Variants in XYLT2 observed in about 807,000 individuals in gnomAD.
XYLT2 encodes the protein UDP-D-xylose:proteoglycan core protein beta-D-xylosyltransferase.
A neutral mutation model predicts 82.6 loss-of-function variants in XYLT2; 37 were observed. That is an observed-to-expected ratio of 0.45 (90% CI 0.34 to 0.59). The LOEUF is 0.59. Among genes scored for constraint, XYLT2 ranks in the 20% least tolerant of loss-of-function variants. The probability of loss-of-function intolerance (pLI) is 0.01; values close to 1 mark genes in which losing one functional copy is unlikely to be tolerated. For synonymous variants in XYLT2, 474 were observed against 499.0 expected (o/e 0.95, Z 0.67); for missense variants, 934 against 1,181.3 (o/e 0.79, Z 3.07).
intron 2 of XYLT2, 124 bp downstream of exon 2, chr17:50,354,246 T>G: frequency 6.5e-7 from 1 of 1,527,436 alleles, no homozygotes; most frequent in Non-Finnish European, 8.8e-7. Flanking sequence ...TGCCTAAGTC[T>G]TCATCCAGTG....
intron 1 of XYLT2, among the ~76,000 whole-genome samples, chr17:50,350,809 C>T (rs1354986511): frequency 6.6e-6 from 1 of 152,022 alleles, no homozygotes. Flanking sequence ...GGTGGCCCTA[C>T]TGAGAAGATG....
rs141916726 is a variant in XYLT2 at position 50,360,571 on chromosome 17, C to T, written c.*280C>T. 7,932 of 977,130 alleles carry T rather than the reference C, an allele frequency of 8.1e-3. 22 individuals carry two copies. The highest frequency in any genetic ancestry group is 9.1e-3 in the Non-Finnish European group (7,502 of 823,354). The allele number at this position is 977,130 out of a possible 1,614,324, so 60.5% of individuals were successfully genotyped here. A position where few individuals can be genotyped will look rare whatever the true frequency, so the allele number is the denominator to read the frequency against. On this transcript the variant is annotated 3_prime_UTR_variant, in exon 11 of 11. Transcript: ENST00000017003. ...TGTCTAGTTTGAATTTCTTTTTTTTCTTTTTTTTTTTTTTTTTTTAATTTA... is the reference window on the plus strand; with the variant it reads ...TGTCTAGTTTGAATTTCTTTTTTTTTTTTTTTTTTTTTTTTTTTTAATTTA...
chr17:50,346,758 A>G lies in XYLT2; in HGVS notation c.135+483A>G. Reference sequence around the variant, plus strand: ...CCCGAGGGGCAGCGGCCGGTGAGGAAGGGGAGCTCGGGGGTGGAATTCAGG... The same window carrying G: ...CCCGAGGGGCAGCGGCCGGTGAGGAGGGGGAGCTCGGGGGTGGAATTCAGG... On this transcript the variant is annotated intron_variant, in intron 1 of 10. Coordinates refer to ENST00000017003, the MANE Select transcript of XYLT2 (RefSeq NM_022167.4). The surrounding 1 kb of genome is among the most constrained non-coding windows in gnomAD (Gnocchi z 5.1). 5 of 984,854 alleles carry G rather than the reference A, an allele frequency of 5.1e-6. No homozygotes were observed. In the South Asian group the frequency reaches 1.4e-4, roughly 28 times the overall value. 61.0% of individuals were successfully genotyped at this position (984,854 alleles called of 1,614,324 possible).
chr17:50,347,912 C>A (rs1162092883), intron 1 of XYLT2, among the ~76,000 whole-genome samples: 1 of 152,208 alleles, frequency 6.6e-6, no homozygotes, highest in Non-Finnish European at 1.5e-5. Context: ...AATCACTTTG[C>A]CTCCTCCCTT....
Position 50,354,127 on chromosome 17 carries a change from G to C in XYLT2, c.628+5G>C, listed in dbSNP as rs761678694. 6.2e-7 allele frequency: 1 copy of C among 1,602,056 alleles called. No individual in the cohort carries two copies. The highest frequency in any genetic ancestry group is 8.5e-7 in the Non-Finnish European group (1 of 1,179,908). ...CCCGGCACTGTCAGCTGACTGGTGA[G>C]GGACAGGGGTGCTCCAGCCCTTCCC... On this transcript the variant is annotated splice_donor_5th_base_variant and intron_variant, in intron 2 of 10. Transcript: ENST00000017003.
Position 50,360,346 on chromosome 17 carries a change from T to C in XYLT2, c.*55T>C. ...CCGGGAAATTGCACCTTACAGACAG[T>C]GGAGGGGTGTCCCCTCCCACAGGCA... On this transcript the variant is annotated 3_prime_UTR_variant, in exon 11 of 11. Transcript: ENST00000017003. The C allele has an allele frequency of 6.8e-7, 1 of 1,478,392 alleles. No individual in the cohort carries two copies. The highest frequency in any genetic ancestry group is 9.0e-7 in the Non-Finnish European group (1 of 1,113,504). 91.6% of individuals were successfully genotyped at this position (1,478,392 alleles called of 1,614,324 possible). A position where few individuals can be genotyped will look rare whatever the true frequency, so the allele number is the denominator to read the frequency against.
rs559722499 is a variant in XYLT2 at position 50,357,981 on chromosome 17, G to A, written c.1942-226G>A. 373 of 562,294 alleles carry A rather than the reference G, an allele frequency of 6.6e-4. 1 individual carries two copies. Among genetic ancestry groups the A allele is most frequent in the African/African-American group, 6.4e-3 (344 of 53,604 alleles). The allele number at this position is 562,294 out of a possible 1,614,324, so 34.8% of individuals were successfully genotyped here. A position where few individuals can be genotyped will look rare whatever the true frequency, so the allele number is the denominator to read the frequency against. Reference sequence around the variant, plus strand: ...CTGCCGTATTGTCCCCAATAAGGGGGACTGACCTCCACTGCCTAGCAGTCA... The same window carrying A: ...CTGCCGTATTGTCCCCAATAAGGGGAACTGACCTCCACTGCCTAGCAGTCA... On this transcript the variant is annotated intron_variant, in intron 9 of 10. Coordinates refer to ENST00000017003, the MANE Select transcript of XYLT2 (RefSeq NM_022167.4).
intron 1 of XYLT2, among the ~76,000 whole-genome samples, chr17:50,349,900 G>A (rs1912184893): frequency 6.6e-6 from 1 of 152,024 alleles, no homozygotes; most frequent in African/African-American, 2.4e-5. Flanking sequence ...TAGCAGCATT[G>A]GGCCAGGTAT....
intron 9 of XYLT2, 136 bp downstream of exon 9, chr17:50,357,388 A>G (rs1257066195): frequency 1.3e-5 from 11 of 862,284 alleles, no homozygotes; most frequent in Non-Finnish European, 1.9e-5. Context: ...CCCCATGCAG[A>G]CATCCTGTGT....
At chr17:50,356,351 TG>T in intron 7 of XYLT2, 90 bp downstream of exon 7, 2 of 1,562,338 alleles carry the variant, frequency 1.3e-6, no homozygotes. Flanking sequence ...TAAGAGAATC[TG>T]GGGGGCCACG....
Position 50,346,732 on chromosome 17 carries a change from G to A in XYLT2, c.135+457G>A. The A allele has an allele frequency of 1.0e-6, 1 of 985,406 alleles. No homozygotes were observed. Among genetic ancestry groups the A allele is most frequent in the Non-Finnish European group, 1.2e-6 (1 of 829,916 alleles). The allele number at this position is 985,406 out of a possible 1,614,324, so 61.0% of individuals were successfully genotyped here. A position where few individuals can be genotyped will look rare whatever the true frequency, so the allele number is the denominator to read the frequency against. On this transcript the variant is annotated intron_variant, in intron 1 of 10. Transcript: ENST00000017003. This position sits in a 1 kb window ranked among gnomAD's most constrained non-coding sequence, Gnocchi z 5.1. ...ACTCAGGGCGTCCTTCCCCAGCTGA[G>A]CCCGAGGGGCAGCGGCCGGTGAGGA...
At position 50,346,714 on chromosome 17, in the gene XYLT2, G is replaced by C; in HGVS notation, c.135+439G>C. 1.0e-6 allele frequency: 1 copy of C among 985,394 alleles called. No individual in the cohort carries two copies. Among genetic ancestry groups the C allele is most frequent in the Non-Finnish European group, 1.2e-6 (1 of 829,918 alleles). The allele number at this position is 985,394 out of a possible 1,614,324, so 61.0% of individuals were successfully genotyped here. On this transcript the variant is annotated intron_variant, in intron 1 of 10. Transcript: ENST00000017003. The surrounding 1 kb of genome is among the most constrained non-coding windows in gnomAD (Gnocchi z 5.1). Reference sequence around the variant, plus strand: ...GAGGAGTAGGGCCAAGGGACTCAGGGCGTCCTTCCCCAGCTGAGCCCGAGG... The same window carrying C: ...GAGGAGTAGGGCCAAGGGACTCAGGCCGTCCTTCCCCAGCTGAGCCCGAGG...
chr17:50,349,210 CTCTCTGCCA>C (rs1402613800), intron 1 of XYLT2, among the ~76,000 whole-genome samples: 1 of 152,236 alleles, frequency 6.6e-6, no homozygotes, highest in Non-Finnish European at 1.5e-5. Flanking sequence ...GAGCCTACAG[CTCTCTGCCA>C]TCTACCCACC....
chr17:50,349,114 C>T (rs1912151672), intron 1 of XYLT2, among the ~76,000 whole-genome samples: 1 of 152,202 alleles, frequency 6.6e-6, no homozygotes, highest in African/African-American at 2.4e-5. Context: ...ACATCCTGGC[C>T]CCCACCACAG....
chr17:50,347,307 G>GA (rs974360005), intron 1 of XYLT2, among the ~76,000 whole-genome samples: 25 of 152,326 alleles, frequency 1.6e-4, no homozygotes, highest in African/African-American at 5.3e-4. Flanking sequence ...GGCAAGCCCC[G>GA]ATACCCGCGA....
At chr17:50,358,656 C>A in intron 10 of XYLT2, 116 bp downstream of exon 10, 9 of 1,119,944 alleles carry the variant, frequency 8.0e-6, no homozygotes, top group Non-Finnish European at 1.0e-5. Context: ...GTCAGGGAAG[C>A]ATGGAAGGGC....
At chr17:50,352,189 C>G (rs1367104831) in intron 1 of XYLT2, among the ~76,000 whole-genome samples, 1 of 152,218 alleles carries the variant, frequency 6.6e-6, no homozygotes, top group Admixed American at 6.5e-5. Context: ...ACGGCTCTCC[C>G]TAGCTGCAGT....
Position 50,355,024 on chromosome 17 carries a change from C to G in XYLT2, c.975C>G (p.Phe325Leu), listed in dbSNP as rs748355606. Reference protein sequence around the residue: ...LEVPGWAWDFFINLSATDYPT... With the variant: ...LEVPGWAWDFLINLSATDYPT... ...TGCCTGGCTGGGCCTGGGACTTCTT[C>G]ATCAACCTCAGTGCCACTGACTATC... The change falls in exon 4 of 11, where the codon TTC (phenylalanine) becomes TTG (leucine). Residue 325 changes from phenylalanine to leucine, a missense_variant. Phe to Leu is a conservative substitution (Grantham distance 22, BLOSUM62 0). Coordinates refer to ENST00000017003, the MANE Select transcript of XYLT2 (RefSeq NM_022167.4). The G allele has an allele frequency of 6.5e-7, 1 of 1,541,046 alleles. No homozygotes were observed. Among genetic ancestry groups the G allele is most frequent in the South Asian group, 1.3e-5 (1 of 78,846 alleles).
intron 4 of XYLT2, 136 bp downstream of exon 4, chr17:50,355,192 T>C: frequency 1.0e-6 from 1 of 978,706 alleles, no homozygotes; most frequent in Non-Finnish European, 1.5e-6. Flanking sequence ...CATGGGCCCC[T>C]GGGCCCCAGC....
Sources: allele counts gnomAD v4.1 joint callset (sites outside exome capture counted in the v4.1 genomes callset), GRCh38; gene constraint gnomAD v4.1.1; non-coding constraint Gnocchi (gnomAD v3.1); transcripts MANE v1.5; gene names NCBI Gene and HGNC (gene_info 2026-07-23, HGNC 2026-07-21).